Variants in GLRA1 observed in about 807,000 individuals in gnomAD.
GLRA1 encodes glycine receptor alpha 1.
GLRA1 carries 37 observed loss-of-function variants against 48.3 expected under a neutral mutation model. The ratio of observed to expected loss-of-function variants is 0.77; its 90% confidence interval spans 0.59 to 1.01. The LOEUF (loss-of-function observed/expected upper bound fraction) is 1.01. Ranked by LOEUF, GLRA1 falls within the 50% of genes least tolerant of loss-of-function variation. GLRA1 has a pLI of 0.00. For missense variants in GLRA1, 427 were observed against 571.0 expected (o/e 0.75, Z 2.57); for synonymous variants, 196 against 210.7 (o/e 0.93, Z 0.60).
At chr5:151,891,242 C>T (rs1754061009) in intron 2 of GLRA1, among the ~76,000 whole-genome samples, 1 of 152,194 alleles carries the variant, frequency 6.6e-6, no homozygotes, top group African/African-American at 2.4e-5. Flanking sequence ...CTGCAGGGCT[C>T]TGCTCGGCAG....
intron 7 of GLRA1, chr5:151,850,151 T>G (rs1581615474): frequency 6.2e-7 from 1 of 1,603,580 alleles, no homozygotes; most frequent in Non-Finnish European, 8.5e-7. Flanking sequence ...GACCCCAGGG[T>G]CCATATTACT....
At chr5:151,848,621 G>C (rs142526844) in intron 7 of GLRA1, among the ~76,000 whole-genome samples, 89 of 152,340 alleles carry the variant, frequency 5.8e-4, no homozygotes, top group African/African-American at 2.0e-3. Context: ...CATTCTGTGT[G>C]ACCCCTCATG....
intron 3 of GLRA1, among the ~76,000 whole-genome samples, chr5:151,874,088 C>T (rs777922692): frequency 1.2e-4 from 19 of 152,176 alleles, no homozygotes; most frequent in Admixed American, 2.0e-4. Flanking sequence ...CAGGGAGAGC[C>T]GATCTCAATT....
intron 7 of GLRA1, among the ~76,000 whole-genome samples, chr5:151,846,681 G>A (rs1752680103): frequency 6.6e-6 from 1 of 152,248 alleles, no homozygotes; most frequent in East Asian, 1.9e-4. Context: ...AAAACAGCTG[G>A]GAGACTGTTC....
intron 7 of GLRA1, among the ~76,000 whole-genome samples, chr5:151,844,621 C>CAAAAAAAAAAAAAAAAAAAAAAAA (rs202218874): frequency 2.0e-5 from 1 of 49,706 alleles, no homozygotes; most frequent in Non-Finnish European, 3.8e-5. Context: ...TACTCTATCT[C>CAAAAAAAAAAAAAAAAAAAAAAAA]AAAAAAAAAA....
chr5:151,865,580 A>G (rs1421868259), intron 3 of GLRA1, among the ~76,000 whole-genome samples: 2 of 152,208 alleles, frequency 1.3e-5, no homozygotes, highest in East Asian at 1.9e-4. Context: ...GTAAAGATGG[A>G]CATTATTACA....
chr5:151,842,217 T>C (rs1763727098), intron 7 of GLRA1, among the ~76,000 whole-genome samples: 1 of 152,110 alleles, frequency 6.6e-6, no homozygotes, highest in Non-Finnish European at 1.5e-5. Flanking sequence ...CTTCTTATAC[T>C]CTCAGAGAAG....
chr5:151,886,979 G>C (rs927126103), intron 2 of GLRA1, among the ~76,000 whole-genome samples, 191 bp from the exon 3 acceptor site: 7 of 152,134 alleles, frequency 4.6e-5, no homozygotes, highest in Non-Finnish European at 8.8e-5. Flanking sequence ...CAGACTTCCT[G>C]GTCCCCAAGT....
chr5:151,845,726 G>A (rs1407239873), intron 7 of GLRA1, among the ~76,000 whole-genome samples: 4 of 152,176 alleles, frequency 2.6e-5, no homozygotes, highest in African/African-American at 9.7e-5. Context: ...ATATACCTTT[G>A]AGAATTAAAA....
intron 1 of GLRA1, among the ~76,000 whole-genome samples, chr5:151,893,339 TC>T (rs1754144093): frequency 6.6e-6 from 1 of 150,564 alleles, no homozygotes; most frequent in African/African-American, 2.5e-5. Context: ...TTTCTTTCTT[TC>T]TTTCTTTCTT....
intron 3 of GLRA1, among the ~76,000 whole-genome samples, chr5:151,865,438 A>G (rs981916138): frequency 3.9e-5 from 6 of 152,194 alleles, no homozygotes; most frequent in African/African-American, 1.4e-4. Context: ...GTAAAGCAAG[A>G]GTGTGGCACT....
At chr5:151,910,385 C>T (rs1422969297) in intron 1 of GLRA1, among the ~76,000 whole-genome samples, 2 of 152,232 alleles carry the variant, frequency 1.3e-5, no homozygotes, top group East Asian at 3.9e-4. Flanking sequence ...ATAAAAGTTC[C>T]CCATGGTCTC....
intron 3 of GLRA1, among the ~76,000 whole-genome samples, chr5:151,884,865 C>A (rs549061214): frequency 1.4e-4 from 22 of 152,294 alleles, no homozygotes; most frequent in African/African-American, 5.3e-4. Context: ...TGTCAATATG[C>A]TTCTGATCTC....
intron 7 of GLRA1, among the ~76,000 whole-genome samples, chr5:151,845,790 T>TA (rs35305813): frequency 0.038 from 5,836 of 152,240 alleles, 287 homozygotes; most frequent in African/African-American, 0.11. Flanking sequence ...TTATTTATAA[T>TA]AGCCAAAGTG....
chr5:151,875,045 T>C (rs1361086695), intron 3 of GLRA1, among the ~76,000 whole-genome samples: 1 of 152,164 alleles, frequency 6.6e-6, no homozygotes, highest in African/African-American at 2.4e-5. Context: ...TAGATGGATT[T>C]AAGTTTTATT....
chr5:151,905,780 C>T (rs1348465092), intron 1 of GLRA1, among the ~76,000 whole-genome samples: 1 of 152,156 alleles, frequency 6.6e-6, no homozygotes, highest in African/African-American at 2.4e-5. Flanking sequence ...ACTGCTTCCA[C>T]CTTTTCCCTT....
At chr5:151,875,656 C>T (rs2964606) in intron 3 of GLRA1, 82,948 of 152,112 alleles carry the variant, frequency 0.55, 23,200 homozygotes, top group East Asian at 0.69. Flanking sequence ...AGAGATTAGA[C>T]GAGATTGGGT....
intron 6 of GLRA1, among the ~76,000 whole-genome samples, chr5:151,853,152 A>G (rs1336902649): frequency 6.6e-6 from 1 of 152,224 alleles, no homozygotes; most frequent in East Asian, 1.9e-4. Context: ...AAGATGAATA[A>G]GTTCTGGAGA....
chr5:151,891,270 C>G (rs1191623201), intron 2 of GLRA1, among the ~76,000 whole-genome samples: 1 of 152,214 alleles, frequency 6.6e-6, no homozygotes, highest in Non-Finnish European at 1.5e-5. Context: ...TGGCTGCAAC[C>G]TCCTGAGGCG....
Sources: gnomAD v4.1 joint callset for allele counts (sites outside exome capture counted in the v4.1 genomes callset) on GRCh38, gnomAD v4.1.1 for gene constraint, MANE v1.5 for transcripts, NCBI Gene and HGNC (gene_info 2026-07-23, HGNC 2026-07-21) for gene names.